Variants in SLC25A48 observed in about 807,000 individuals in gnomAD.
SLC25A48 encodes CTC-321K16.1.
Under a neutral mutation model 32.2 loss-of-function variants are expected in SLC25A48, and 29 were observed. That is an observed-to-expected ratio of 0.90 (90% CI 0.67 to 1.23). The LOEUF (loss-of-function observed/expected upper bound fraction) is 1.23. Among genes scored for constraint, SLC25A48 ranks in the 50% most tolerant of loss-of-function variants. SLC25A48 has a pLI of 0.00. For missense variants in SLC25A48, 399 were observed against 422.7 expected (o/e 0.94, Z 0.49); for synonymous variants, 164 against 172.3 (o/e 0.95, Z 0.38).
At chr5:135,632,191 T>C (rs761986413) in intron 2 of SLC25A48, among the ~76,000 whole-genome samples, 1 of 152,226 alleles carries the variant, frequency 6.6e-6, no homozygotes, top group Non-Finnish European at 1.5e-5. Flanking sequence ...TCTTCTGTAC[T>C]ACAGTGCGTA....
intron 3 of SLC25A48, chr5:135,653,860 C>G (rs1406868478): frequency 2.2e-6 from 1 of 456,200 alleles, no homozygotes; most frequent in Admixed American, 2.3e-5. Flanking sequence ...CTGAGTTGTT[C>G]CAGGAATTGT....
chr5:135,627,722 C>T (rs1752469812), intron 1 of SLC25A48, among the ~76,000 whole-genome samples: 1 of 147,244 alleles, frequency 6.8e-6, no homozygotes, highest in African/African-American at 2.5e-5. Flanking sequence ...GTGGTATAGT[C>T]ACCCAGTCCT....
intron 3 of SLC25A48, among the ~76,000 whole-genome samples, chr5:135,805,630 C>A (rs1233187222): frequency 1.3e-5 from 2 of 151,362 alleles, no homozygotes; most frequent in Non-Finnish European, 3.0e-5. Flanking sequence ...ATATGTTAAA[C>A]AGATATTGCT....
chr5:135,709,570 G>A (rs1054596699), intron 3 of SLC25A48, among the ~76,000 whole-genome samples: 1 of 152,202 alleles, frequency 6.6e-6, no homozygotes, highest in African/African-American at 2.4e-5. Context: ...TTTTGAAGCA[G>A]GGCGCCGTGG....
chr5:135,794,659 A>T (rs1757120756), intron 3 of SLC25A48, among the ~76,000 whole-genome samples: 1 of 149,754 alleles, frequency 6.7e-6, no homozygotes, highest in Admixed American at 6.7e-5. Context: ...GGGGTGTACA[A>T]CCCCTGTGAT....
Position 135,699,946 on chromosome 5 carries a change from G to A in SLC25A48, c.-521+64990G>A, listed in dbSNP as rs553221135. ...AATGAGGAGATGGAGTCTCTGAGGG[G>A]TTACAAAGCCACTGAATGGTGGAGA... On this transcript the variant is annotated intron_variant, in intron 3 of 10. Transcript: ENST00000646290. Among the ~76,000 whole-genome samples, 34 of 152,304 alleles carry A rather than the reference G, an allele frequency of 2.2e-4. No individual in the cohort carries two copies. In the South Asian group the frequency reaches 6.2e-3, roughly 28 times the overall value.
At chr5:135,648,346 G>C (rs565868050) in intron 3 of SLC25A48, among the ~76,000 whole-genome samples, 55 of 152,286 alleles carry the variant, frequency 3.6e-4, no homozygotes, top group African/African-American at 1.3e-3. Flanking sequence ...CCTGCCTGAC[G>C]ATGGAGCCTG....
At chr5:135,874,629 A>G (rs545181967) in intron 6 of SLC25A48, 4 of 690,958 alleles carry the variant, frequency 5.8e-6, no homozygotes, top group Non-Finnish European at 1.1e-5. Flanking sequence ...CTCCCACCTG[A>G]GCCCTGACCC....
rs908629065 is a variant in SLC25A48, at chr5:135,682,791, A to G, written c.-521+47835A>G. On this transcript the variant is annotated intron_variant, in intron 3 of 10. Transcript: ENST00000646290. Reference sequence around the variant, plus strand: ...TTCTAAAAATGAACAGCAGGTAATAATTCAATCTGGGGGAGGGTATGTCAA... The same window carrying G: ...TTCTAAAAATGAACAGCAGGTAATAGTTCAATCTGGGGGAGGGTATGTCAA... Among the ~76,000 whole-genome samples the G allele has an allele frequency of 2.0e-5, 3 of 152,314 alleles. No individual in the cohort carries two copies. The South Asian group carries it at 6.2e-4, about 32-fold the overall frequency.
chr5:135,777,688 G>A (rs1450113256), intron 3 of SLC25A48, among the ~76,000 whole-genome samples: 1 of 150,472 alleles, frequency 6.6e-6, no homozygotes, highest in Non-Finnish European at 1.5e-5. Context: ...TACACCACCT[G>A]TGTAATATTG....
intron 3 of SLC25A48, among the ~76,000 whole-genome samples, chr5:135,711,388 C>A (rs561983775): frequency 6.6e-6 from 1 of 152,220 alleles, no homozygotes; most frequent in East Asian, 1.9e-4. Context: ...CAAGCAGCAT[C>A]GAGAAGACGG....
At chr5:135,594,791 G>A (rs948897074) in intron 1 of SLC25A48, among the ~76,000 whole-genome samples, 1 of 152,194 alleles carries the variant, frequency 6.6e-6, no homozygotes, top group Non-Finnish European at 1.5e-5. Context: ...CTTGGAGGGT[G>A]CCCAGATCCC....
chr5:135,639,739 C>T (rs892169049), intron 3 of SLC25A48, among the ~76,000 whole-genome samples: 4 of 152,072 alleles, frequency 2.6e-5, no homozygotes, highest in African/African-American at 9.7e-5. Context: ...GAAACAAAAC[C>T]CAAACTAGAT....
At position 135,774,651 on chromosome 5, in the gene SLC25A48, CAA is replaced by C. The variant is rs1401338196; in HGVS notation, c.-520-37868_-520-37867del. On this transcript the variant is annotated intron_variant, in intron 3 of 10. Coordinates refer to the SLC25A48 transcript ENST00000646290. Reference sequence around the variant, plus strand: ...GATGATGGCATTGTGATCAATATCCCAAAAAGTGTATTTTGGGATATTGATCC... The same window carrying C: ...GATGATGGCATTGTGATCAATATCCCAAAGTGTATTTTGGGATATTGATCC... 2.6e-5 allele frequency among the ~76,000 whole-genome samples: 4 copies of C among 151,518 alleles called. No homozygotes were observed. In the South Asian group the frequency reaches 6.3e-4, roughly 24 times the overall value.
At chr5:135,770,494 G>A (rs1017463283) in intron 3 of SLC25A48, among the ~76,000 whole-genome samples, 1 of 151,394 alleles carries the variant, frequency 6.6e-6, no homozygotes, top group Non-Finnish European at 1.5e-5. Flanking sequence ...TTTCAATGTC[G>A]CCGAGGTTGC....
Position 135,874,010 on chromosome 5 carries a change from T to G in SLC25A48, c.680-11T>G. 1 of 1,530,138 alleles carries G rather than the reference T, an allele frequency of 6.5e-7. No individual in the cohort carries two copies. The highest frequency in any genetic ancestry group is 8.7e-7 in the Non-Finnish European group (1 of 1,144,902). The allele number at this position is 1,530,138 out of a possible 1,614,324, so 94.8% of individuals were successfully genotyped here. ...AGCTAGCCCCTGACACCTGTTTCTT[T>G]CTCTTTGCAGGAGCAATTTCTTGGG... On this transcript the variant is annotated splice_polypyrimidine_tract_variant and intron_variant, in intron 5 of 7. Transcript: ENST00000681962.
chr5:135,729,812 T>C (rs1298401381), intron 3 of SLC25A48, among the ~76,000 whole-genome samples: 1 of 152,200 alleles, frequency 6.6e-6, no homozygotes, highest in Non-Finnish European at 1.5e-5. Flanking sequence ...TATATAAAAT[T>C]TGTGTTAAAG....
At chr5:135,610,385 G>A (rs1048877354) in intron 1 of SLC25A48, among the ~76,000 whole-genome samples, 5 of 152,024 alleles carry the variant, frequency 3.3e-5, no homozygotes, top group Admixed American at 6.5e-5. Context: ...TTTTTTTGCA[G>A]GATTAACCCC....
At chr5:135,836,891 T>C (rs934225236) in intron 1 of SLC25A48, among the ~76,000 whole-genome samples, 5 of 151,896 alleles carry the variant, frequency 3.3e-5, no homozygotes, top group African/African-American at 1.2e-4. Context: ...GAATCTGCCA[T>C]CTTAATTTCA....
Sources: allele counts gnomAD v4.1 joint callset (sites outside exome capture counted in the v4.1 genomes callset), GRCh38; gene constraint gnomAD v4.1.1; transcripts MANE v1.5; gene names NCBI Gene and HGNC (gene_info 2026-07-23, HGNC 2026-07-21).